FERMT1: variants seen among roughly 807,000 people sequenced by gnomAD.
The protein encoded by FERMT1 is fermitin family homolog 1.
A neutral mutation model predicts 85.3 loss-of-function variants in FERMT1; 60 were observed. That is an observed-to-expected ratio of 0.70 (90% CI 0.57 to 0.87). The LOEUF is 0.87. Ranked by LOEUF, FERMT1 falls within the 40% of genes least tolerant of loss-of-function variation. The pLI, the probability that FERMT1 is intolerant of heterozygous loss-of-function variation, is 0.00. For missense variants in FERMT1, 701 were observed against 818.9 expected (o/e 0.86, Z 1.76); for synonymous variants, 275 against 301.1 (o/e 0.91, Z 0.90).
intron 11 of FERMT1, among the ~76,000 whole-genome samples, chr20:6,085,784 G>T (rs529306330): frequency 6.6e-6 from 1 of 151,918 alleles, no homozygotes; most frequent in East Asian, 1.9e-4. Context: ...AGGAGATGCA[G>T]GTTGCAGTGA....
chr20:6,095,548 A>G (rs1982477903), intron 8 of FERMT1, among the ~76,000 whole-genome samples: 1 of 152,242 alleles, frequency 6.6e-6, no homozygotes, highest in Non-Finnish European at 1.5e-5. Flanking sequence ...TTCAAAGTTC[A>G]TTCTGTAATG....
rs2123082078 is a variant in FERMT1, at chr20:6,076,348, C to T, written c.*825G>A. The T allele has an allele frequency of 2.2e-6, 1 of 455,872 alleles. No homozygotes were observed. Among genetic ancestry groups the T allele is most frequent in the Middle Eastern group, 3.3e-4 (1 of 2,996 alleles). The allele number at this position is 455,872 out of a possible 1,614,324, so 28.2% of individuals were successfully genotyped here. A position where few individuals can be genotyped will look rare whatever the true frequency, so the allele number is the denominator to read the frequency against. ...GGACTGTGCCTGTCTTCCTGAATCC[C>T]AACCCAGAGTAGAAGCAGTGGAGAC... is the stretch of plus-strand genomic sequence containing the variant. On this transcript the variant is annotated 3_prime_UTR_variant, in exon 15 of 15. Transcript: ENST00000217289.
At chr20:6,121,261 ACAGGCGTGTGCC>A (rs1171668310) in intron 1 of FERMT1, among the ~76,000 whole-genome samples, 1 of 152,186 alleles carries the variant, frequency 6.6e-6, no homozygotes, top group Non-Finnish European at 1.5e-5. Flanking sequence ...AGCTGAGATT[ACAGGCGTGTGCC>A]ACCACGCCCG....
chr20:6,112,951 A>G (rs994022016), intron 3 of FERMT1, among the ~76,000 whole-genome samples: 1 of 152,158 alleles, frequency 6.6e-6, no homozygotes, highest in African/African-American at 2.4e-5. Context: ...CATTACTAGC[A>G]TTATGCTATT....
intron 9 of FERMT1, among the ~76,000 whole-genome samples, chr20:6,093,109 C>T (rs1007242773): frequency 2.6e-5 from 4 of 151,786 alleles, no homozygotes; most frequent in Non-Finnish European, 5.9e-5. Context: ...ATAGAAAGAA[C>T]TTAAAAATCA....
intron 4 of FERMT1, among the ~76,000 whole-genome samples, chr20:6,111,431 A>C (rs942565357): frequency 1.1e-4 from 17 of 152,236 alleles, no homozygotes; most frequent in African/African-American, 3.9e-4. Flanking sequence ...CAGGAGTTTG[A>C]GACCAGCCTG....
At chr20:6,098,448 A>G (rs948485780) in intron 6 of FERMT1, among the ~76,000 whole-genome samples, 4 of 152,114 alleles carry the variant, frequency 2.6e-5, no homozygotes, top group African/African-American at 9.7e-5. Context: ...CTCCTCCCAG[A>G]TATTAAAACC....
chr20:6,100,111 TA>T (rs1368221749), intron 6 of FERMT1, among the ~76,000 whole-genome samples: 6 of 151,912 alleles, frequency 3.9e-5, no homozygotes, highest in Admixed American at 3.9e-4. Context: ...TATTTTACAA[TA>T]AAAAAGTCAA....
At chr20:6,118,965 C>T (rs1198765896) in intron 2 of FERMT1, among the ~76,000 whole-genome samples, 4 of 150,152 alleles carry the variant, frequency 2.7e-5, no homozygotes, top group South Asian at 2.1e-4. Flanking sequence ...TTTTTTCCCC[C>T]GACACCGAGT....
intron 9 of FERMT1, among the ~76,000 whole-genome samples, chr20:6,089,871 G>A (rs369405645): frequency 1.3e-5 from 2 of 152,152 alleles, no homozygotes; most frequent in East Asian, 1.9e-4. Context: ...AATAGGAAAC[G>A]TGAGAATGAG....
In FERMT1 at chr20:6,112,142, C is replaced by CCCCA. The variant is rs1982968255; in HGVS notation, c.532+334_532+335insTGGG. ...CCACCCACCTCAGCCTCCCAAAGTG[C>CCCCA]TGGGATTACAAGCATGAGGCACCGT... On this transcript the variant is annotated intron_variant, in intron 4 of 14. Coordinates refer to ENST00000217289, the MANE Select transcript of FERMT1 (RefSeq NM_017671.5). Among the ~76,000 whole-genome samples the CCCCA allele has an allele frequency of 2.6e-5, 4 of 152,218 alleles. No individual in the cohort carries two copies. The East Asian group carries it at 7.7e-4, about 29-fold the overall frequency.
At chr20:6,085,001 T>A in intron 12 of FERMT1, 65 bp downstream of exon 12, 1 of 1,485,418 alleles carries the variant, frequency 6.7e-7, no homozygotes, top group Admixed American at 1.7e-5. Flanking sequence ...CCGGAAATCC[T>A]CCTTTTATTT....
At chr20:6,089,138 G>C in intron 9 of FERMT1, 49 bp from the exon 10 acceptor site, 1 of 1,588,344 alleles carries the variant, frequency 6.3e-7, no homozygotes, top group Non-Finnish European at 8.6e-7. Flanking sequence ...CAGAAATGTG[G>C]AACACGCTGC....
intron 13 of FERMT1, among the ~76,000 whole-genome samples, chr20:6,083,721 C>T (rs911060559): frequency 1.4e-5 from 2 of 144,020 alleles, no homozygotes; most frequent in South Asian, 2.2e-4. Context: ...AAAAAAAAAC[C>T]GAAAAGAAGT....
In FERMT1 at chr20:6,112,503, C is replaced by A. The variant is rs1346874528; in HGVS notation, c.506G>T (p.Ser169Ile). 1 of 1,613,764 alleles carries A rather than the reference C, an allele frequency of 6.2e-7. No homozygotes were observed. Residue 169 changes from serine to isoleucine, a missense_variant, in exon 4 of 15, where the codon AGT (serine) becomes ATT (isoleucine). Ser to Ile is a moderately radical substitution (Grantham distance 142). Transcript: ENST00000217289. ...PIIEDILNLE[S>I]SPTASGSSVS... The stretch of plus-strand genomic sequence containing the variant: ...TGATGAACCTGAAGCTGTTGGAGAA[C>A]TCTCCAGGTTTAGAATATCTTCAAT...
chr20:6,096,480 G>A (rs557581592), intron 8 of FERMT1, among the ~76,000 whole-genome samples: 13 of 152,260 alleles, frequency 8.5e-5, no homozygotes, highest in African/African-American at 3.1e-4. Flanking sequence ...AGCCTTGATT[G>A]CACTACTGAT....
At chr20:6,101,778 G>A (rs1051679326) in intron 6 of FERMT1, among the ~76,000 whole-genome samples, 1 of 151,758 alleles carries the variant, frequency 6.6e-6, no homozygotes, top group Non-Finnish European at 1.5e-5. Flanking sequence ...TCAGCTTCCC[G>A]AGTAGCTGGG....
intron 11 of FERMT1, among the ~76,000 whole-genome samples, chr20:6,086,649 G>C (rs780023205): frequency 7.2e-5 from 11 of 152,270 alleles, no homozygotes; most frequent in Admixed American, 2.0e-4. Flanking sequence ...TTGGATCATG[G>C]GGGCAGATAT....
chr20:6,117,790 A>T (rs1983146964), intron 2 of FERMT1, among the ~76,000 whole-genome samples: 1 of 147,572 alleles, frequency 6.8e-6, no homozygotes, highest in African/African-American at 2.5e-5. Flanking sequence ...CAGGTGATCC[A>T]CCCACCTCAG....
Sources: gnomAD v4.1 joint callset for allele counts (sites outside exome capture counted in the v4.1 genomes callset) on GRCh38, gnomAD v4.1.1 for gene constraint, MANE v1.5 for transcripts, NCBI Gene and HGNC (gene_info 2026-07-23, HGNC 2026-07-21) for gene names.